Variants in FOXP2 observed in about 807,000 individuals in gnomAD.
FOXP2 encodes forkhead box P2.
A neutral mutation model predicts 115.8 loss-of-function variants in FOXP2; 12 were observed. The observed-to-expected ratio is 0.10, with a 90% CI of 0.07 to 0.17. FOXP2 has a LOEUF of 0.17. Among genes scored for constraint, FOXP2 ranks in the 10% least tolerant of loss-of-function variants. The pLI is 1.00. For missense variants in FOXP2, 629 were observed against 843.5 expected (o/e 0.75, Z 3.15); for synonymous variants, 328 against 297.7 (o/e 1.10, Z -1.05).
intron 9 of FOXP2, 43 bp from the exon 10 acceptor site, chr7:114,653,883 C>T (rs2129338617): frequency 1.9e-6 from 3 of 1,559,854 alleles, no homozygotes; most frequent in South Asian, 2.2e-5. Flanking sequence ...ATAGCTGTAT[C>T]AGTCATTTCT....
intron 2 of FOXP2, among the ~76,000 whole-genome samples, chr7:114,367,758 T>C (rs1791915071): frequency 2.0e-5 from 3 of 152,174 alleles, no homozygotes; most frequent in Admixed American, 2.0e-4. Context: ...TCTCTAAAGC[T>C]AGCATTTCCA....
chr7:114,240,428 T>C (rs2129167464), intron 1 of FOXP2, among the ~76,000 whole-genome samples: 1 of 152,242 alleles, frequency 6.6e-6, no homozygotes, highest in East Asian at 1.9e-4. Flanking sequence ...TCACAAAATG[T>C]GGGTAGAAAC....
At chr7:114,683,122 A>G (rs1377172811) in intron 16 of FOXP2, among the ~76,000 whole-genome samples, 1 of 152,156 alleles carries the variant, frequency 6.6e-6, no homozygotes, top group Non-Finnish European at 1.5e-5. Flanking sequence ...TATCTTTTTC[A>G]CTAGTTCTGA....
chr7:114,661,077 T>A (rs899460922), intron 13 of FOXP2, among the ~76,000 whole-genome samples: 25 of 151,522 alleles, frequency 1.6e-4, no homozygotes, highest in African/African-American at 5.8e-4. Flanking sequence ...TAAGAATTCT[T>A]CTCTTAAAGC....
chr7:114,144,706 G>C (rs1317421159), intron 1 of FOXP2, among the ~76,000 whole-genome samples: 1 of 152,078 alleles, frequency 6.6e-6, no homozygotes, highest in East Asian at 1.9e-4. Context: ...TGCTGGTTCA[G>C]AAGTGTTCAG....
intron 11 of FOXP2, among the ~76,000 whole-genome samples, chr7:114,659,119 G>A (rs969492965): frequency 6.6e-6 from 1 of 152,108 alleles, no homozygotes; most frequent in Non-Finnish European, 1.5e-5. Context: ...AAAATCCTCA[G>A]GCCAGCAGGT....
chr7:114,117,346 C>G (rs995477817), intron 1 of FOXP2, among the ~76,000 whole-genome samples: 1 of 151,662 alleles, frequency 6.6e-6, no homozygotes, highest in Non-Finnish European at 1.5e-5. Context: ...CCTAGCCTCC[C>G]GAGTAGCTGG....
At chr7:114,458,549 T>TC (rs1200278923) in intron 2 of FOXP2, among the ~76,000 whole-genome samples, 7 of 144,938 alleles carry the variant, frequency 4.8e-5, no homozygotes, top group African/African-American at 7.6e-5. Context: ...TTCTTTTCTT[T>TC]TTTTTTTTTT....
At chr7:114,086,446 C>T (rs950193959), upstream of FOXP2, 1 of 342,424 alleles carries the variant, frequency 2.9e-6, no homozygotes, top group Non-Finnish European at 5.7e-6. Context: ...ATGCGGCGGC[C>T]GCGTCCGCTG....
chr7:114,102,543 T>C (rs1791000374), intron 1 of FOXP2, among the ~76,000 whole-genome samples: 1 of 151,966 alleles, frequency 6.6e-6, no homozygotes, highest in South Asian at 2.1e-4. Context: ...TCCTATAATT[T>C]TCATATTTAA....
chr7:114,393,907 CAT>C (rs1792670875), intron 2 of FOXP2, among the ~76,000 whole-genome samples: 1 of 151,854 alleles, frequency 6.6e-6, no homozygotes, highest in Non-Finnish European at 1.5e-5. Context: ...GGTGTGAACT[CAT>C]GATTTTCTAT....
chr7:114,235,644 T>C (rs58411286), intron 1 of FOXP2, among the ~76,000 whole-genome samples: 5,610 of 152,232 alleles, frequency 0.037, 295 homozygotes, highest in African/African-American at 0.12. Context: ...CATAGAATTG[T>C]CATCTCTGCT....
At chr7:114,605,214 A>G (rs1803249918) in intron 3 of FOXP2, among the ~76,000 whole-genome samples, 1 of 152,192 alleles carries the variant, frequency 6.6e-6, no homozygotes, top group Non-Finnish European at 1.5e-5. Flanking sequence ...TCTTCACAGC[A>G]GATTAAATGA....
intron 1 of FOXP2, among the ~76,000 whole-genome samples, chr7:114,186,238 A>C (rs2129156286): frequency 6.6e-6 from 1 of 152,218 alleles, no homozygotes; most frequent in Non-Finnish European, 1.5e-5. Flanking sequence ...GTAGCCTCAA[A>C]AGTCTTAATT....
chr7:114,210,380 A>G (rs966705859), intron 1 of FOXP2, among the ~76,000 whole-genome samples: 5 of 152,090 alleles, frequency 3.3e-5, no homozygotes, highest in Admixed American at 2.6e-4. Flanking sequence ...TTCTTTTAAC[A>G]GTCAGGTCAC....
intron 3 of FOXP2, among the ~76,000 whole-genome samples, chr7:114,535,059 G>A (rs1584864183): frequency 6.6e-6 from 1 of 151,626 alleles, no homozygotes; most frequent in African/African-American, 2.4e-5. Flanking sequence ...AAAATGGTGT[G>A]GAAGGAAACA....
At chr7:114,477,084 A>G (rs1796307973) in intron 2 of FOXP2, among the ~76,000 whole-genome samples, 1 of 152,030 alleles carries the variant, frequency 6.6e-6, no homozygotes, top group African/African-American at 2.4e-5. Flanking sequence ...CACTATGGAA[A>G]TAAGCCTGGA....
intron 1 of FOXP2, among the ~76,000 whole-genome samples, chr7:114,271,490 T>C (rs1057241266): frequency 7.5e-6 from 1 of 134,000 alleles, no homozygotes; most frequent in African/African-American, 2.8e-5. Flanking sequence ...ATATATATAT[T>C]TATATAAATA....
In FOXP2 at chr7:114,692,683, G is replaced by A. The variant is rs758148139; in HGVS notation, c.*2757G>A. On this transcript the variant is annotated 3_prime_UTR_variant, in exon 17 of 17. Transcript: ENST00000350908. ...TGAACTTCTGTGCATACCTTATAAA[G>A]CATAATGTCTGACAATTTAAATGGC... is the stretch of plus-strand genomic sequence containing the variant. 5.2e-5 allele frequency: 23 copies of A among 444,296 alleles called. No individual in the cohort carries two copies. Among genetic ancestry groups the A allele is most frequent in the South Asian group, 3.7e-4 (23 of 62,048 alleles). 27.5% of individuals were successfully genotyped at this position (444,296 alleles called of 1,614,324 possible). A position where few individuals can be genotyped will look rare whatever the true frequency, so the allele number is the denominator to read the frequency against.
Sources: gnomAD v4.1 joint callset for allele counts (sites outside exome capture counted in the v4.1 genomes callset) on GRCh38, gnomAD v4.1.1 for gene constraint, MANE v1.5 for transcripts, NCBI Gene and HGNC (gene_info 2026-07-23, HGNC 2026-07-21) for gene names.